HEBP1: variants seen among roughly 807,000 people sequenced by gnomAD.
The protein encoded by HEBP1 is heme-binding protein 1.
A neutral mutation model predicts 20.4 loss-of-function variants in HEBP1; 13 were observed. The ratio of observed to expected loss-of-function variants is 0.64; its 90% CI spans 0.42 to 1.01. The LOEUF (loss-of-function observed/expected upper bound fraction) is 1.01, where lower values mean the gene tolerates loss of function less well. Among genes scored for constraint, HEBP1 ranks in the 50% least tolerant of loss-of-function variants. The pLI, the probability that HEBP1 is intolerant of heterozygous loss-of-function variation, is 0.00. For missense variants in HEBP1, 241 were observed against 247.3 expected, an observed-to-expected ratio of 0.97 and a Z score of 0.17; for synonymous variants, 92 against 90.7, an observed-to-expected ratio of 1.01 and a Z score of -0.08.
chr12:12,987,050 A>C, intron 3 of HEBP1, 102 bp downstream of exon 3: 1 of 892,976 alleles, frequency 1.1e-6, no homozygotes, highest in Non-Finnish European at 1.8e-6. Flanking sequence ...AAATTAATTC[A>C]GCAACCATAA....
chr12:12,975,023 C>A lies in HEBP1; in HGVS notation c.*285G>T. 1 of 278,322 alleles carries A rather than the reference C, an allele frequency of 3.6e-6. No individual in the cohort carries two copies. The highest frequency in any genetic ancestry group is 7.5e-5 in the South Asian group (1 of 13,388). The allele number at this position is 278,322 out of a possible 1,614,324, so 17.2% of individuals were successfully genotyped here. Reference sequence around the variant, plus strand: ...TTTAGAAAATCAGTTTTTAGTGACCCAGATGCCTGGAGAAAAGCTGCCAGG... The same window carrying A: ...TTTAGAAAATCAGTTTTTAGTGACCAAGATGCCTGGAGAAAAGCTGCCAGG... On this transcript the variant is annotated 3_prime_UTR_variant, in exon 4 of 4. Coordinates refer to ENST00000014930, the MANE Select transcript of HEBP1 (RefSeq NM_015987.5).
intron 3 of HEBP1, among the ~76,000 whole-genome samples, chr12:12,978,690 G>T (rs1479489715): frequency 6.6e-6 from 1 of 152,052 alleles, no homozygotes; most frequent in Non-Finnish European, 1.5e-5. Context: ...ACCTGTATGT[G>T]GAGGGAGGTA....
chr12:12,978,495 G>A (rs535075426), intron 3 of HEBP1, among the ~76,000 whole-genome samples: 5 of 152,026 alleles, frequency 3.3e-5, no homozygotes, highest in Non-Finnish European at 7.4e-5. Context: ...GAGCCACCAC[G>A]CCCGGCCTGG....
chr12:13,000,229 G>T lies in HEBP1; in HGVS notation c.-115C>A, dbSNP rs918152688. On this transcript the variant is annotated 5_prime_UTR_variant, in exon 1 of 4. Coordinates refer to ENST00000014930, the MANE Select transcript of HEBP1 (RefSeq NM_015987.5). Reference sequence around the variant, plus strand: ...GGCAGGGCGGCAGGGCGGCAGGGCGGCAGGGTGGCAGGGCGGCAAGGCGGC... The same window carrying T: ...GGCAGGGCGGCAGGGCGGCAGGGCGTCAGGGTGGCAGGGCGGCAAGGCGGC... 26 of 384,142 alleles carry T rather than the reference G, an allele frequency of 6.8e-5. No homozygotes were observed. The highest frequency in any genetic ancestry group is 4.9e-4 in the African/African-American group (23 of 46,894). 23.8% of individuals were successfully genotyped at this position (384,142 alleles called of 1,614,324 possible).
chr12:12,987,407 T>C, intron 2 of HEBP1, 75 bp from the exon 3 acceptor site: 2 of 1,147,882 alleles, frequency 1.7e-6, no homozygotes, highest in Non-Finnish European at 2.5e-6. Context: ...GACACATTAG[T>C]TCCATTCGTC....
intron 2 of HEBP1, among the ~76,000 whole-genome samples, chr12:12,987,962 C>T (rs985678968): frequency 6.6e-6 from 1 of 152,082 alleles, no homozygotes; most frequent in Non-Finnish European, 1.5e-5. Flanking sequence ...CTATTTAAAA[C>T]ATCAATCTAA....
intron 1 of HEBP1, among the ~76,000 whole-genome samples, chr12:12,997,690 A>G (rs1565495325): frequency 6.6e-6 from 1 of 152,246 alleles, no homozygotes. Flanking sequence ...AAGACAGCAG[A>G]GCAGGGAATG....
chr12:12,995,662 C>A (rs1864280242), intron 1 of HEBP1, among the ~76,000 whole-genome samples: 3 of 152,192 alleles, frequency 2.0e-5, no homozygotes, highest in Admixed American at 1.3e-4. Context: ...TAAAACTATT[C>A]TAGTTCTCCA....
intron 2 of HEBP1, among the ~76,000 whole-genome samples, chr12:12,988,177 C>T (rs1048127566): frequency 1.3e-5 from 2 of 151,966 alleles, no homozygotes; most frequent in African/African-American, 2.4e-5. Flanking sequence ...TATAGGAACA[C>T]TAAGATTACA....
chr12:12,980,754 G>A (rs1864069884), intron 3 of HEBP1, among the ~76,000 whole-genome samples: 1 of 152,180 alleles, frequency 6.6e-6, no homozygotes, highest in Non-Finnish European at 1.5e-5. Context: ...TATGTGTGGA[G>A]GGTGGTCAGT....
At position 12,989,319 on chromosome 12, in the gene HEBP1, T is replaced by C. The variant is rs182080474; in HGVS notation, c.175A>G (p.Met59Val). ...KPVDEALREA[M>V]PKVAKYAGGT... ...CCCGCATACTTTGCGACCTTGGGCATTGCTTCCCGTAGAGCCTCATCCACA... is the reference window on the plus strand; with the variant it reads ...CCCGCATACTTTGCGACCTTGGGCACTGCTTCCCGTAGAGCCTCATCCACA... The change falls in exon 2 of 4, where the codon ATG becomes GTG. Residue 59 changes from methionine to valine, a missense_variant. Transcript: ENST00000014930. 3 of 1,614,218 alleles carry C rather than the reference T, an allele frequency of 1.9e-6. No individual in the cohort carries two copies. Among genetic ancestry groups the C allele is most frequent in the Non-Finnish European group, 2.5e-6 (3 of 1,180,030 alleles).
At chr12:12,978,897 A>G (rs1202181576) in intron 3 of HEBP1, 2 of 152,214 alleles carry the variant, frequency 1.3e-5, no homozygotes, top group Non-Finnish European at 2.9e-5. Context: ...TCATGCAACA[A>G]TTATTATCTA....
intron 1 of HEBP1, among the ~76,000 whole-genome samples, chr12:12,997,634 T>A (rs1229838220): frequency 2.0e-5 from 3 of 152,152 alleles, no homozygotes; most frequent in African/African-American, 7.2e-5. Context: ...CCGGCTGACA[T>A]CTGGCCTGGG....
chr12:12,993,746 T>C (rs536439771), intron 1 of HEBP1, among the ~76,000 whole-genome samples: 209 of 152,348 alleles, frequency 1.4e-3, no homozygotes, highest in African/African-American at 4.8e-3. Flanking sequence ...TTTATTCATT[T>C]AACCAACAAC....
Position 12,974,951 on chromosome 12 carries a change from C to T in HEBP1, c.*357G>A, listed in dbSNP as rs916705422. On this transcript the variant is annotated 3_prime_UTR_variant, in exon 4 of 4. Transcript: ENST00000014930. Reference sequence around the variant, plus strand: ...TAAGAATCACAGATGAAAGATCAGGCACAAATCACATTTTCCCCCTTAATA... The same window carrying T: ...TAAGAATCACAGATGAAAGATCAGGTACAAATCACATTTTCCCCCTTAATA... The T allele has an allele frequency of 5.5e-5, 11 of 198,846 alleles. No individual in the cohort carries two copies. The highest frequency in any genetic ancestry group is 5.0e-4 in the Admixed American group (9 of 17,990). The allele number at this position is 198,846 out of a possible 1,614,324, so 12.3% of individuals were successfully genotyped here.
At chr12:12,987,590 TTCTCTCTC>T (rs145821079) in intron 2 of HEBP1, among the ~76,000 whole-genome samples, 2 of 133,212 alleles carry the variant, frequency 1.5e-5, no homozygotes, top group African/African-American at 5.8e-5. Context: ...ATCAGTCTCT[TTCTCTCTC>T]TCTCTCTCTC....
intron 1 of HEBP1, among the ~76,000 whole-genome samples, chr12:12,993,848 A>G (rs1409372903): frequency 6.6e-6 from 1 of 152,188 alleles, no homozygotes; most frequent in African/African-American, 2.4e-5. Flanking sequence ...TGATATTTTT[A>G]GGGGGCAAGG....
At position 12,975,081 on chromosome 12, in the gene HEBP1, C is replaced by T. The variant is rs777259078; in HGVS notation, c.*227G>A. ...TGGTCTATCGCAGAATTTTCTACAT[C>T]AATGAGAAGGATGCTGCATATCTTG... is the stretch of plus-strand genomic sequence containing the variant. On this transcript the variant is annotated 3_prime_UTR_variant, in exon 4 of 4. Transcript: ENST00000014930. 1.0e-5 allele frequency: 4 copies of T among 391,358 alleles called. No homozygotes were observed. Among genetic ancestry groups the T allele is most frequent in the Non-Finnish European group, 1.8e-5 (4 of 219,930 alleles). 24.2% of individuals were successfully genotyped at this position (391,358 alleles called of 1,614,324 possible).
Position 12,975,383 on chromosome 12 carries a change from G to A in HEBP1, c.495C>T (p.Ile165=), listed in dbSNP as rs747864432. ...LEGTATYRGD[I]YFCTGYDPPM... The stretch of plus-strand genomic sequence containing the variant: ...GAGGGTCATAACCCGTGCAGAAGTA[G>A]ATGTCCCCCCGGTAGGTGGCTGTGC... Residue 165 remains isoleucine, a synonymous_variant, in exon 4 of 4, where the codon ATC becomes ATT. Transcript: ENST00000014930. 1 of 1,614,020 alleles carries A rather than the reference G, an allele frequency of 6.2e-7. No homozygotes were observed. The highest frequency in any genetic ancestry group is 1.1e-5 in the South Asian group (1 of 91,082).
Sources: gnomAD v4.1 joint callset for allele counts (sites outside exome capture counted in the v4.1 genomes callset) on GRCh38, gnomAD v4.1.1 for gene constraint, MANE v1.5 for transcripts, NCBI Gene and HGNC (gene_info 2026-07-23, HGNC 2026-07-21) for gene names.